Variants in AGBL1 observed in about 807,000 individuals in gnomAD.
AGBL1 encodes the protein cytosolic carboxypeptidase 4.
Under a neutral mutation model 118.9 loss-of-function variants are expected in AGBL1, and 130 were observed. The observed-to-expected ratio is 1.09, with a 90% CI of 0.95 to 1.26. AGBL1 has a LOEUF of 1.26. Among genes scored for constraint, AGBL1 ranks in the 50% most tolerant of loss-of-function variants. The pLI is 0.00. For missense variants in AGBL1, 1,584 were observed against 1,298.1 expected (o/e 1.22, Z -3.38); for synonymous variants, 555 against 478.9 (o/e 1.16, Z -2.08).
intron 22 of AGBL1, among the ~76,000 whole-genome samples, chr15:86,808,819 A>T (rs12915812): frequency 0.49 from 73,762 of 150,918 alleles, 19,933 homozygotes; most frequent in Non-Finnish European, 0.62. Context: ...AACTGCTTGC[A>T]ATTCTTCTTG....
At chr15:86,501,811 ATCTT>A in intron 18 of AGBL1, among the ~76,000 whole-genome samples, 1 of 151,574 alleles carries the variant, frequency 6.6e-6, no homozygotes, top group East Asian at 1.9e-4. Flanking sequence ...ATCTATGTCT[ATCTT>A]TATTACAGTA....
At chr15:86,318,293 A>G (rs1335103948) in intron 17 of AGBL1, among the ~76,000 whole-genome samples, 1 of 152,148 alleles carries the variant, frequency 6.6e-6, no homozygotes, top group Non-Finnish European at 1.5e-5. Context: ...ATAAAGTAGA[A>G]CATTGCCACT....
chr15:86,574,570 A>ATTTTTTTTTTTTTTTTTTTTTTTTTTTTT (rs776642678), intron 21 of AGBL1, among the ~76,000 whole-genome samples: 1 of 83,758 alleles, frequency 1.2e-5, no homozygotes, highest in Non-Finnish European at 2.2e-5. Context: ...AAAAGTTTTA[A>ATTTTTTTTTTTTTTTTTTTTTTTTTTTTT]TTTTTTTTTT....
At chr15:86,530,654 A>G (rs2083337097) in intron 19 of AGBL1, among the ~76,000 whole-genome samples, 1 of 151,954 alleles carries the variant, frequency 6.6e-6, no homozygotes, top group African/African-American at 2.4e-5. Context: ...AACAGAATAT[A>G]CATTCTTCTC....
chr15:86,595,527 C>A (rs546269861), intron 21 of AGBL1, among the ~76,000 whole-genome samples: 7 of 152,246 alleles, frequency 4.6e-5, no homozygotes, highest in African/African-American at 1.4e-4. Context: ...AATCAAAAAT[C>A]TTACCACTTT....
At chr15:86,216,987 A>G (rs1442724871) in intron 5 of AGBL1, among the ~76,000 whole-genome samples, 3 of 152,142 alleles carry the variant, frequency 2.0e-5, no homozygotes, top group Admixed American at 6.5e-5. Context: ...TTGCATGACA[A>G]CCACTTCCTC....
intron 22 of AGBL1, among the ~76,000 whole-genome samples, chr15:86,714,640 T>C (rs1427792580): frequency 1.3e-5 from 2 of 152,176 alleles, no homozygotes; most frequent in Non-Finnish European, 1.5e-5. Flanking sequence ...GCAGGCATGA[T>C]TCAGCTTTCC....
At chr15:86,378,025 C>T (rs1033082734) in intron 17 of AGBL1, among the ~76,000 whole-genome samples, 1 of 152,114 alleles carries the variant, frequency 6.6e-6, no homozygotes, top group Non-Finnish European at 1.5e-5. Context: ...CCTGGTGTAA[C>T]ATCCAGGCAT....
chr15:86,326,359 A>G (rs1183190666), intron 17 of AGBL1, among the ~76,000 whole-genome samples: 1 of 152,212 alleles, frequency 6.6e-6, no homozygotes, highest in East Asian at 1.9e-4. Flanking sequence ...AAACAGTTCC[A>G]TTACATTCTT....
At chr15:86,573,779 G>A (rs1284692640) in intron 21 of AGBL1, among the ~76,000 whole-genome samples, 1 of 152,102 alleles carries the variant, frequency 6.6e-6, no homozygotes. Context: ...CCTCCCCGAA[G>A]GCAGACAGAA....
At chr15:86,591,576 G>T (rs956728304) in intron 21 of AGBL1, among the ~76,000 whole-genome samples, 4 of 152,100 alleles carry the variant, frequency 2.6e-5, no homozygotes, top group African/African-American at 7.2e-5. Flanking sequence ...TATTATAAAA[G>T]ATATTACAAA....
intron 22 of AGBL1, among the ~76,000 whole-genome samples, chr15:86,812,768 C>T (rs950581352): frequency 2.6e-5 from 4 of 152,204 alleles, no homozygotes; most frequent in Non-Finnish European, 5.9e-5. Context: ...TCACAATCAC[C>T]ACCCATGTTA....
rs547912160 is a variant in AGBL1 at position 86,670,217 on chromosome 15, C to A, written c.2995-4056C>A. On this transcript the variant is annotated intron_variant, in intron 21 of 22. Coordinates refer to ENST00000614907, the MANE Select transcript of AGBL1 (RefSeq NM_001386094.1). ...CGTTACCATGTCAAATGTTATGGAG[C>A]CACTGCCCTGAAGGTCTCGATTAAT... 2.4e-3 allele frequency among the ~76,000 whole-genome samples: 360 copies of A among 152,128 alleles called. 3 individuals are homozygous for A. The highest frequency in any genetic ancestry group is 0.01 in the Middle Eastern group (3 of 294).
At chr15:86,760,089 A>G (rs1334231861) in intron 22 of AGBL1, among the ~76,000 whole-genome samples, 1 of 152,070 alleles carries the variant, frequency 6.6e-6, no homozygotes, top group Non-Finnish European at 1.5e-5. Context: ...TATCCCACTG[A>G]TGATCAACTA....
At chr15:86,572,386 C>T (rs1003192485) in intron 21 of AGBL1, among the ~76,000 whole-genome samples, 13 of 152,290 alleles carry the variant, frequency 8.5e-5, no homozygotes, top group Admixed American at 7.2e-4. Flanking sequence ...GGTGGGGGCT[C>T]CAGGTCCTCG....
chr15:86,767,258 A>G (rs16977969), intron 22 of AGBL1, among the ~76,000 whole-genome samples: 6,300 of 152,014 alleles, frequency 0.041, 318 homozygotes, highest in African/African-American at 0.1. Context: ...TCACTCTAGT[A>G]GCAAATGCAG....
chr15:86,421,034 C>G (rs537055797), intron 18 of AGBL1, among the ~76,000 whole-genome samples: 4 of 152,324 alleles, frequency 2.6e-5, no homozygotes, highest in Non-Finnish European at 5.9e-5. Flanking sequence ...GGAAAACACT[C>G]TTCAGGATAT....
chr15:86,359,857 C>G (rs2080777261), intron 17 of AGBL1, among the ~76,000 whole-genome samples: 2 of 151,246 alleles, frequency 1.3e-5, no homozygotes, highest in South Asian at 2.1e-4. Flanking sequence ...TTTTCAGATA[C>G]TTTGTTTTTT....
intron 1 of AGBL1, among the ~76,000 whole-genome samples, chr15:86,117,680 A>G (rs536308004): frequency 6.6e-6 from 1 of 152,332 alleles, no homozygotes; most frequent in East Asian, 1.9e-4. Flanking sequence ...ACCTGTTTTA[A>G]TCAAAAGTTT....
Sources: allele counts gnomAD v4.1 joint callset (sites outside exome capture counted in the v4.1 genomes callset), GRCh38; gene constraint gnomAD v4.1.1; transcripts MANE v1.5; gene names NCBI Gene and HGNC (gene_info 2026-07-23, HGNC 2026-07-21).